ABCA12: variants seen among roughly 807,000 people sequenced by gnomAD.
ABCA12 encodes glucosylceramide transporter ABCA12.
In ABCA12, 156 loss-of-function variants were observed where a neutral mutation model predicts 293.5. The observed-to-expected ratio is 0.53, with a 90% CI of 0.47 to 0.61. ABCA12 has a LOEUF of 0.61. Ranked by LOEUF, ABCA12 falls within the 20% of genes least tolerant of loss-of-function variation. ABCA12 has a pLI of 0.00. For synonymous variants in ABCA12, 1,063 were observed against 1,108.0 expected, an observed-to-expected ratio of 0.96 and a Z score of 0.81; for missense variants, 2,797 against 3,090.2, an observed-to-expected ratio of 0.91 and a Z score of 2.25.
intron 35 of ABCA12, 152 bp downstream of exon 35, chr2:214,974,626 C>A (rs1421523809): frequency 1.3e-6 from 1 of 748,648 alleles, no homozygotes; most frequent in African/African-American, 1.7e-5. Flanking sequence ...AAGAAATGAA[C>A]TAAAGGAGAT....
At chr2:214,940,160 GT>G (rs1698350364) in intron 50 of ABCA12, among the ~76,000 whole-genome samples, 1 of 152,128 alleles carries the variant, frequency 6.6e-6, no homozygotes, top group Non-Finnish European at 1.5e-5. Context: ...TTTATTGAGA[GT>G]TTTTAGCATG....
chr2:215,040,033 T>C (rs186012047), intron 7 of ABCA12, among the ~76,000 whole-genome samples: 7 of 152,304 alleles, frequency 4.6e-5, no homozygotes, highest in African/African-American at 9.6e-5. Context: ...ACCTAAGCCA[T>C]TGTTAACATA....
intron 44 of ABCA12, among the ~76,000 whole-genome samples, chr2:214,953,534 A>G (rs1364358872): frequency 1.3e-5 from 2 of 152,160 alleles, no homozygotes; most frequent in African/African-American, 4.8e-5. Flanking sequence ...CATTTTCCCA[A>G]ACTCAACTCA....
At chr2:214,968,908 G>A (rs1300624540) in intron 37 of ABCA12, 101 bp from the exon 38 acceptor site, 3 of 935,690 alleles carry the variant, frequency 3.2e-6, no homozygotes, top group Admixed American at 1.8e-5. Context: ...GTTTCTGTTA[G>A]GAACACATTT....
intron 29 of ABCA12, 71 bp downstream of exon 29, chr2:214,983,576 A>G: frequency 7.4e-7 from 1 of 1,353,406 alleles, no homozygotes; most frequent in South Asian, 1.2e-5. Context: ...CATTACCAGA[A>G]CTTTACCAAC....
Position 214,932,200 on chromosome 2 carries a change from G to A in ABCA12, c.*434C>T, listed in dbSNP as rs1574915065. The A allele has an allele frequency of 2.9e-5, 7 of 242,820 alleles. No homozygotes were observed. The South Asian group carries it at 3.2e-4, about 11-fold the overall frequency. 15.0% of individuals were successfully genotyped at this position (242,820 alleles called of 1,614,324 possible). A position where few individuals can be genotyped will look rare whatever the true frequency, so the allele number is the denominator to read the frequency against. ...ATGTATTCATGATGATGTTCATTCT[G>A]TTGTTTTCTGGAAATAAATTATGTT... On this transcript the variant is annotated 3_prime_UTR_variant, in exon 53 of 53. Transcript: ENST00000272895.
At chr2:215,088,489 G>A (rs1285589460) in intron 2 of ABCA12, among the ~76,000 whole-genome samples, 3 of 152,162 alleles carry the variant, frequency 2.0e-5, no homozygotes, top group Non-Finnish European at 4.4e-5. Flanking sequence ...TAAATGTGTT[G>A]AAAATGTGTA....
At chr2:215,124,112 T>C (rs1199581103) in intron 1 of ABCA12, among the ~76,000 whole-genome samples, 1 of 152,262 alleles carries the variant, frequency 6.6e-6, no homozygotes, top group African/African-American at 2.4e-5. Context: ...TTCCTTTTTA[T>C]GGCTGCGTAG....
rs114725787 is a variant in ABCA12 at position 215,136,591 on chromosome 2, A to G, written c.69+1549T>C. Among the ~76,000 whole-genome samples, 781 of 152,222 alleles carry G rather than the reference A, an allele frequency of 5.1e-3. 4 individuals carry two copies. Among genetic ancestry groups the G allele is most frequent in the African/African-American group, 0.018 (741 of 41,532 alleles). On this transcript the variant is annotated intron_variant, in intron 1 of 52. Coordinates refer to ENST00000272895, the MANE Select transcript of ABCA12 (RefSeq NM_173076.3). The stretch of plus-strand genomic sequence containing the variant: ...TTTTGTTTTTAGCTATTGAATTTTT[A>G]TCACTTACAAACTTGACTGTACGTG...
rs758310335 is a variant in ABCA12, at chr2:214,986,659, T to C, written c.4046A>G (p.His1349Arg). The C allele has an allele frequency of 2.5e-6, 4 of 1,614,128 alleles. No homozygotes were observed. Among genetic ancestry groups the C allele is most frequent in the East Asian group, 4.5e-5 (2 of 44,880 alleles). ...PKDLTVGVAL[H>R]GVTKIYGSKV... ...TGAGCCATAGATCTTTGTGACCCCA[T>C]GCAGGGCAACCCCGACTGTGAGATC... Residue 1349 changes from histidine (H) to arginine (R), a missense_variant, in exon 28 of 53, where the codon CAT (histidine) becomes CGT (arginine). This residue lies in a region of ABCA12 where 2,130 missense variants were observed against 2,427.0 expected (regional missense o/e 0.88). Coordinates refer to ENST00000272895, the MANE Select transcript of ABCA12 (RefSeq NM_173076.3).
intron 41 of ABCA12, among the ~76,000 whole-genome samples, chr2:214,957,191 A>G (rs1698978362): frequency 6.6e-6 from 1 of 152,240 alleles, no homozygotes; most frequent in African/African-American, 2.4e-5. Flanking sequence ...AAGCTTGGTT[A>G]TCAGTGTGAA....
intron 3 of ABCA12, among the ~76,000 whole-genome samples, chr2:215,060,424 T>C (rs1038048192): frequency 6.6e-6 from 1 of 152,108 alleles, no homozygotes. Context: ...CCATTCTTTT[T>C]TCACTTTTAT....
Position 214,939,014 on chromosome 2 carries a change from A to G in ABCA12, c.7437-1399T>C, listed in dbSNP as rs1321805985. Among the ~76,000 whole-genome samples, 4 of 152,200 alleles carry G rather than the reference A, an allele frequency of 2.6e-5. No homozygotes were observed. The South Asian group carries it at 6.2e-4, about 24-fold the overall frequency. On this transcript the variant is annotated intron_variant, in intron 50 of 52. Transcript: ENST00000272895. ...TTGTTGCCATTGCTTTTGGTGTTTT[A>G]GTCATGAAGTCTTTGCCCACGCCTG...
Position 214,955,244 on chromosome 2 carries a change from C to G in ABCA12, c.6351G>C (p.Leu2117=). ...LFFGINSIVS[L]SVVYFLSKEK... is the part of the protein sequence containing the mutation. ...CCTTGGAAAGAAAGTATACCACTGA[C>G]AGGGAAACAATGGAATTAATGCCAA... The change falls in exon 43 of 53, where the codon CTG becomes CTC. Residue 2117 remains leucine, a synonymous_variant. Coordinates refer to ENST00000272895, the MANE Select transcript of ABCA12 (RefSeq NM_173076.3). The G allele has an allele frequency of 6.2e-7, 1 of 1,614,094 alleles. No individual in the cohort carries two copies. The highest frequency in any genetic ancestry group is 8.5e-7 in the Non-Finnish European group (1 of 1,180,014).
Position 215,011,906 on chromosome 2 carries a change from A to G in ABCA12, c.2121+65T>C, listed in dbSNP as rs1427836358. The G allele has an allele frequency of 9.7e-6, 14 of 1,446,852 alleles. No individual in the cohort carries two copies. The Admixed American group carries it at 2.0e-4, about 21-fold the overall frequency. 89.6% of individuals were successfully genotyped at this position (1,446,852 alleles called of 1,614,324 possible). ...ATGTACTACGATTGAAGCTGAATGT[A>G]TTATAACTACTCAATATGACAGAAG... On this transcript the variant is annotated intron_variant, in intron 16 of 52. Coordinates refer to ENST00000272895, the MANE Select transcript of ABCA12 (RefSeq NM_173076.3).
At chr2:214,989,713 G>T in intron 24 of ABCA12, 92 bp from the exon 25 acceptor site, 2 of 1,358,806 alleles carry the variant, frequency 1.5e-6, no homozygotes, top group South Asian at 1.3e-5. Context: ...TTGGACATTT[G>T]TATAGATAAA....
At chr2:215,019,958 C>T (rs369285721) in intron 11 of ABCA12, among the ~76,000 whole-genome samples, 162 bp from the exon 12 acceptor site, 2 of 152,030 alleles carry the variant, frequency 1.3e-5, no homozygotes, top group African/African-American at 4.8e-5. Flanking sequence ...GAAGTACTAC[C>T]GTCTGTCATT....
chr2:215,090,129 C>A (rs773716322), intron 2 of ABCA12, among the ~76,000 whole-genome samples: 7 of 152,184 alleles, frequency 4.6e-5, no homozygotes, highest in Non-Finnish European at 8.8e-5. Context: ...TGCAAGAGAA[C>A]AACCCCCTTT....
At chr2:214,989,485 T>G in intron 25 of ABCA12, 22 bp from the exon 26 acceptor site, 1 of 1,613,856 alleles carries the variant, frequency 6.2e-7, no homozygotes, top group Admixed American at 1.7e-5. Context: ...ACACAAGTGT[T>G]TATTCTTCTG....
Sources: allele counts gnomAD v4.1 joint callset (sites outside exome capture counted in the v4.1 genomes callset), GRCh38; gene constraint gnomAD v4.1.1; regional missense constraint gnomAD v4.1.1; transcripts MANE v1.5; gene names NCBI Gene and HGNC (gene_info 2026-07-23, HGNC 2026-07-21).